Variants in ERC2 observed in about 807,000 individuals in gnomAD.
ERC2 encodes the protein ERC protein 2.
In ERC2, 42 loss-of-function variants were observed where a neutral mutation model predicts 114.8. The observed-to-expected ratio is 0.37, with a 90% confidence interval of 0.29 to 0.47. The LOEUF (loss-of-function observed/expected upper bound fraction) is 0.47, where lower values mean the gene tolerates loss of function less well. Among genes scored for constraint, ERC2 ranks in the 20% least tolerant of loss-of-function variants. The probability of loss-of-function intolerance (pLI) is 0.99; values close to 1 mark genes in which losing one functional copy is unlikely to be tolerated. For missense variants in ERC2, 939 were observed against 1,150.7 expected (o/e 0.82, Z 2.66); for synonymous variants, 454 against 425.5 (o/e 1.07, Z -0.82).
chr3:56,371,769 G>C (rs983879548), intron 2 of ERC2, among the ~76,000 whole-genome samples: 1 of 152,198 alleles, frequency 6.6e-6, no homozygotes, highest in Non-Finnish European at 1.5e-5. Context: ...CCCAGGCTTT[G>C]CTCAGACCTA....
intron 6 of ERC2, among the ~76,000 whole-genome samples, chr3:56,137,033 A>G (rs1257523036): frequency 1.3e-5 from 2 of 152,194 alleles, no homozygotes; most frequent in Non-Finnish European, 1.5e-5. Flanking sequence ...TGTCTTTTTC[A>G]TGAAATATGT....
At chr3:55,656,405 C>A (rs911944316) in intron 17 of ERC2, among the ~76,000 whole-genome samples, 1 of 152,162 alleles carries the variant, frequency 6.6e-6, no homozygotes, top group African/African-American at 2.4e-5. Flanking sequence ...AATCCTCCCA[C>A]CTTGGCCTCA....
rs374670082 is a variant in ERC2, at chr3:55,942,437, C to T, written c.2403+7988G>A. 3.5e-4 allele frequency among the ~76,000 whole-genome samples: 53 copies of T among 149,494 alleles called. 1 individual carries two copies. Among genetic ancestry groups the T allele is most frequent in the Admixed American group, 2.9e-3 (43 of 15,056 alleles). The stretch of plus-strand genomic sequence containing the variant: ...CCAAGTAGCTGGGACTACAGGCGCC[C>T]GCCACTACGCCCGGCTAATTTTTTT... On this transcript the variant is annotated intron_variant, in intron 13 of 17. Coordinates refer to ENST00000288221, the MANE Select transcript of ERC2 (RefSeq NM_015576.3).
chr3:55,864,170 C>CATAT (rs10548131), intron 14 of ERC2, among the ~76,000 whole-genome samples: 3 of 110,134 alleles, frequency 2.7e-5, no homozygotes, highest in African/African-American at 8.9e-5. Context: ...TATATATACA[C>CATAT]ATATATATAT....
intron 1 of ERC2, among the ~76,000 whole-genome samples, chr3:56,442,724 A>G (rs1045563494): frequency 7.9e-5 from 12 of 152,230 alleles, no homozygotes; most frequent in African/African-American, 2.9e-4. Flanking sequence ...TCCAAAATTG[A>G]TTTGACAACC....
chr3:55,995,867 T>C (rs556229313), intron 10 of ERC2, among the ~76,000 whole-genome samples: 3 of 152,336 alleles, frequency 2.0e-5, no homozygotes, highest in East Asian at 1.9e-4. Flanking sequence ...TTAAAGCCAA[T>C]GCTTCCTTCA....
chr3:56,038,347 TATC>T (rs1432874667), intron 7 of ERC2, among the ~76,000 whole-genome samples: 1 of 152,042 alleles, frequency 6.6e-6, no homozygotes, highest in African/African-American at 2.4e-5. Flanking sequence ...CAACATCACT[TATC>T]ATTAGAGAAA....
chr3:55,858,267 T>C (rs2061875182), intron 14 of ERC2, among the ~76,000 whole-genome samples: 2 of 152,242 alleles, frequency 1.3e-5, no homozygotes, highest in African/African-American at 4.8e-5. Context: ...TTTCTCATAA[T>C]GTCATTCTTA....
chr3:56,389,648 C>T (rs2060057790), intron 2 of ERC2, among the ~76,000 whole-genome samples: 1 of 152,194 alleles, frequency 6.6e-6, no homozygotes, highest in Admixed American at 6.5e-5. Context: ...GCTGCTTCCC[C>T]AGAGGACTTC....
chr3:56,365,748 T>A (rs1294353313), intron 2 of ERC2, among the ~76,000 whole-genome samples: 2 of 152,256 alleles, frequency 1.3e-5, no homozygotes, highest in Admixed American at 6.5e-5. Flanking sequence ...TCCTATTTAT[T>A]TATGTATTAC....
chr3:56,030,779 G>A (rs1300138730), intron 7 of ERC2, among the ~76,000 whole-genome samples: 1 of 152,126 alleles, frequency 6.6e-6, no homozygotes, highest in Non-Finnish European at 1.5e-5. Flanking sequence ...ATTAATCTAG[G>A]AGTAAGTAAT....
chr3:56,465,616 G>C (rs1553640826), intron 1 of ERC2, among the ~76,000 whole-genome samples: 2 of 152,158 alleles, frequency 1.3e-5, no homozygotes, highest in South Asian at 2.1e-4. Context: ...AAGGTGTCAA[G>C]AAAAATGGAA....
intron 6 of ERC2, among the ~76,000 whole-genome samples, chr3:56,116,762 C>T (rs576580304): frequency 2.6e-5 from 4 of 152,246 alleles, no homozygotes; most frequent in African/African-American, 7.2e-5. Context: ...TGTAATGGGG[C>T]CTTCCTACAT....
At chr3:56,074,654 T>A (rs1181167621) in intron 7 of ERC2, among the ~76,000 whole-genome samples, 1 of 152,148 alleles carries the variant, frequency 6.6e-6, no homozygotes, top group African/African-American at 2.4e-5. Flanking sequence ...CAAACCTTCA[T>A]CCCTTTTTAC....
intron 3 of ERC2, among the ~76,000 whole-genome samples, chr3:56,241,762 C>G (rs1185347282): frequency 2.0e-5 from 3 of 152,194 alleles, no homozygotes; most frequent in Non-Finnish European, 4.4e-5. Flanking sequence ...AGCACACACT[C>G]TAACACTAGT....
intron 14 of ERC2, among the ~76,000 whole-genome samples, chr3:55,810,746 C>A (rs183593348): frequency 1.4e-3 from 212 of 152,290 alleles, no homozygotes; most frequent in Non-Finnish European, 2.5e-3. Context: ...AGGCGTGAGC[C>A]ACCACACTTG....
At chr3:56,229,835 C>G (rs538295764) in intron 3 of ERC2, among the ~76,000 whole-genome samples, 167 of 133,080 alleles carry the variant, frequency 1.3e-3, no homozygotes, top group Non-Finnish European at 1.9e-3. Flanking sequence ...TAGGTTAGAT[C>G]ATTTTCTCCT....
At chr3:55,647,837 G>A (rs948075749) in intron 17 of ERC2, among the ~76,000 whole-genome samples, 5 of 152,208 alleles carry the variant, frequency 3.3e-5, no homozygotes, top group African/African-American at 1.2e-4. Context: ...AGCGATGAAG[G>A]CACAAACCCA....
intron 6 of ERC2, among the ~76,000 whole-genome samples, chr3:56,102,480 C>G (rs2078415666): frequency 6.6e-6 from 1 of 152,118 alleles, no homozygotes; most frequent in Non-Finnish European, 1.5e-5. Flanking sequence ...CTGGATTCAC[C>G]CCACAGGTTT....
Sources: allele counts gnomAD v4.1 joint callset (sites outside exome capture counted in the v4.1 genomes callset), GRCh38; gene constraint gnomAD v4.1.1; transcripts MANE v1.5; gene names NCBI Gene and HGNC (gene_info 2026-07-23, HGNC 2026-07-21).